MED15: variants seen among roughly 807,000 people sequenced by gnomAD.
MED15 encodes mediator complex subunit 15.
A neutral mutation model predicts 118.7 loss-of-function variants in MED15; 41 were observed. That is an observed-to-expected ratio of 0.35 (90% CI 0.27 to 0.45). MED15 has a LOEUF of 0.45. Among genes scored for constraint, MED15 ranks in the 20% least tolerant of loss-of-function variants. The pLI, the probability that MED15 is intolerant of heterozygous loss-of-function variation, is 1.00. For synonymous variants in MED15, 436 were observed against 413.9 expected (o/e 1.05, Z -0.65); for missense variants, 740 against 1,025.5 (o/e 0.72, Z 3.80).
intron 2 of MED15, among the ~76,000 whole-genome samples, chr22:20,538,285 C>T (rs1474987452): frequency 1.3e-5 from 2 of 152,064 alleles, no homozygotes; most frequent in African/African-American, 4.8e-5. Flanking sequence ...GGGTCTCACT[C>T]TGTACCCAGG....
chr22:20,510,400 A>G (rs544489801), intron 1 of MED15, among the ~76,000 whole-genome samples: 119 of 152,298 alleles, frequency 7.8e-4, no homozygotes, highest in African/African-American at 2.6e-3. Flanking sequence ...CAAACAAACA[A>G]AAAACACACA....
Position 20,586,705 on chromosome 22 carries a change from C to T in MED15, c.*1C>T, listed in dbSNP as rs758583766. The T allele has an allele frequency of 2.5e-6, 4 of 1,612,412 alleles. No individual in the cohort carries two copies. Among genetic ancestry groups the T allele is most frequent in the Non-Finnish European group, 3.4e-6 (4 of 1,179,914 alleles). On this transcript the variant is annotated 3_prime_UTR_variant, in exon 18 of 18. Coordinates refer to ENST00000263205, the MANE Select transcript of MED15 (RefSeq NM_001003891.3). The stretch of plus-strand genomic sequence containing the variant: ...CCAGGCCTGCCTCTCAGCCGCCTAG[C>T]CAAGACTGCAGGGATGGCCCGCAGC...
chr22:20,550,938 G>A, intron 2 of MED15: 1 of 353,344 alleles, frequency 2.8e-6, no homozygotes. Flanking sequence ...CGCAGCCAGG[G>A]GAGGGCCGCC....
chr22:20,543,498 C>A (rs1053017402), intron 2 of MED15, among the ~76,000 whole-genome samples: 3 of 150,724 alleles, frequency 2.0e-5, no homozygotes, highest in African/African-American at 7.3e-5. Flanking sequence ...AGACGTGAGC[C>A]ACCATGCCCG....
intron 2 of MED15, among the ~76,000 whole-genome samples, chr22:20,537,847 G>A (rs557607678): frequency 6.6e-6 from 1 of 152,344 alleles, no homozygotes; most frequent in African/African-American, 2.4e-5. Context: ...GCAAGGCAGA[G>A]CTGCAAGAGC....
At chr22:20,575,368 C>CTT (rs34936571) in intron 9 of MED15, 136 bp downstream of exon 9, 723 of 881,488 alleles carry the variant, frequency 8.2e-4, no homozygotes, top group Non-Finnish European at 9.4e-4. Context: ...CCCACAGTCC[C>CTT]TTTTTTTTTT....
At chr22:20,532,953 G>C (rs1485342240) in intron 1 of MED15, among the ~76,000 whole-genome samples, 1 of 152,148 alleles carries the variant, frequency 6.6e-6, no homozygotes, top group African/African-American at 2.4e-5. Context: ...CATGTTGGGG[G>C]CTGTCTCCTT....
chr22:20,515,769 A>G (rs1319783020), intron 1 of MED15, among the ~76,000 whole-genome samples: 4 of 151,602 alleles, frequency 2.6e-5, no homozygotes, highest in Non-Finnish European at 4.4e-5. Flanking sequence ...CTGGCGACAG[A>G]GTGAGACTCA....
intron 8 of MED15, among the ~76,000 whole-genome samples, chr22:20,569,390 A>T (rs149333280): frequency 1.6e-4 from 25 of 152,276 alleles, no homozygotes; most frequent in African/African-American, 5.5e-4. Flanking sequence ...CGTTGGCTTT[A>T]GAAAGAGTCA....
intron 2 of MED15, among the ~76,000 whole-genome samples, chr22:20,543,508 G>A (rs891755516): frequency 1.3e-5 from 2 of 149,876 alleles, no homozygotes; most frequent in Admixed American, 6.7e-5. Flanking sequence ...CACCATGCCC[G>A]GCCTCCTCTT....
intron 1 of MED15, among the ~76,000 whole-genome samples, chr22:20,519,872 A>G (rs1037950620): frequency 5.9e-5 from 9 of 152,010 alleles, no homozygotes; most frequent in Non-Finnish European, 1.3e-4. Flanking sequence ...CCATCTTCCC[A>G]TACTCCCTGG....
At chr22:20,584,715 C>A in intron 14 of MED15, 140 bp from the exon 15 acceptor site, 1 of 1,106,452 alleles carries the variant, frequency 9.0e-7, no homozygotes, top group Non-Finnish European at 1.3e-6. Context: ...GATCAGCCAA[C>A]ATTGTCTGCA....
At chr22:20,557,236 C>G (rs949746585) in intron 5 of MED15, among the ~76,000 whole-genome samples, 1 of 152,064 alleles carries the variant, frequency 6.6e-6, no homozygotes, top group Non-Finnish European at 1.5e-5. Flanking sequence ...GCTGCCTGAC[C>G]CCATCCTCAC....
intron 6 of MED15, among the ~76,000 whole-genome samples, chr22:20,565,811 T>C (rs2056415862): frequency 6.6e-6 from 1 of 152,244 alleles, no homozygotes. Context: ...CTAGCTTCCA[T>C]GGAGCTGTAC....
chr22:20,577,674 G>GCT (rs2056862022), intron 9 of MED15, among the ~76,000 whole-genome samples: 1 of 151,762 alleles, frequency 6.6e-6, no homozygotes, highest in Admixed American at 6.6e-5. Flanking sequence ...GGGTGAGAGC[G>GCT]CTCTCATGGG....
At chr22:20,538,228 C>T (rs1471997514) in intron 2 of MED15, among the ~76,000 whole-genome samples, 4 of 151,864 alleles carry the variant, frequency 2.6e-5, no homozygotes, top group African/African-American at 4.8e-5. Flanking sequence ...GTCACAGGTG[C>T]GAGCCACCAA....
At chr22:20,544,614 C>A (rs1387872457) in intron 2 of MED15, among the ~76,000 whole-genome samples, 1 of 152,010 alleles carries the variant, frequency 6.6e-6, no homozygotes, top group African/African-American at 2.4e-5. Flanking sequence ...TGCAGTGAGC[C>A]GAGATCGCGG....
intron 8 of MED15, 98 bp downstream of exon 8, chr22:20,568,729 TG>T (rs1181454408): frequency 1.3e-6 from 2 of 1,520,370 alleles, no homozygotes; most frequent in Non-Finnish European, 1.8e-6. Flanking sequence ...GATTAGGGGC[TG>T]GGGGCTAAGT....
chr22:20,543,723 A>G (rs1601534822), intron 2 of MED15, among the ~76,000 whole-genome samples: 1 of 150,474 alleles, frequency 6.6e-6, no homozygotes, highest in South Asian at 2.1e-4. Flanking sequence ...ACGCCCGGCT[A>G]ATTTTTGTAT....
Sources: allele counts gnomAD v4.1 joint callset (sites outside exome capture counted in the v4.1 genomes callset), GRCh38; gene constraint gnomAD v4.1.1; transcripts MANE v1.5; gene names NCBI Gene and HGNC (gene_info 2026-07-23, HGNC 2026-07-21).